CDH13: variants seen among roughly 807,000 people sequenced by gnomAD.
CDH13 encodes cadherin 13.
A neutral mutation model predicts 63.8 loss-of-function variants in CDH13; 24 were observed. The observed-to-expected ratio is 0.38, with a 90% CI of 0.27 to 0.53. The LOEUF is 0.53. Ranked by LOEUF, CDH13 falls within the 20% of genes least tolerant of loss-of-function variation. The pLI is 0.85. For synonymous variants in CDH13, 503 were observed against 355.3 expected (o/e 1.42, Z -4.67); for missense variants, 1,049 against 903.1 (o/e 1.16, Z -2.07).
intron 3 of CDH13, among the ~76,000 whole-genome samples, chr16:83,106,535 C>T (rs1009011123): frequency 5.3e-5 from 8 of 152,144 alleles, no homozygotes; most frequent in African/African-American, 1.9e-4. Context: ...GGCGAGACTC[C>T]ACCTCAAACA....
intron 1 of CDH13, among the ~76,000 whole-genome samples, chr16:82,647,410 C>A (rs999080463): frequency 2.6e-5 from 4 of 152,174 alleles, no homozygotes; most frequent in African/African-American, 7.2e-5. Context: ...GCAATAAATT[C>A]TCTTGGGAGG....
intron 6 of CDH13, among the ~76,000 whole-genome samples, chr16:83,413,633 A>T (rs1477008753): frequency 6.6e-6 from 1 of 152,184 alleles, no homozygotes; most frequent in African/African-American, 2.4e-5. Flanking sequence ...AGCCCATAAT[A>T]GGCTGTGCCA....
At chr16:83,228,131 C>G (rs1391852307) in intron 5 of CDH13, among the ~76,000 whole-genome samples, 1 of 152,216 alleles carries the variant, frequency 6.6e-6, no homozygotes, top group African/African-American at 2.4e-5. Flanking sequence ...GTCCTTATCT[C>G]TCATGTACCC....
chr16:82,934,615 A>G (rs1490182128), intron 2 of CDH13, among the ~76,000 whole-genome samples: 2 of 152,048 alleles, frequency 1.3e-5, no homozygotes, highest in African/African-American at 2.4e-5. Flanking sequence ...CAGGTTGCAA[A>G]TTTTCCAAAC....
chr16:83,215,440 CAT>C (rs1427516747), intron 4 of CDH13, among the ~76,000 whole-genome samples: 1 of 151,698 alleles, frequency 6.6e-6, no homozygotes, highest in Non-Finnish European at 1.5e-5. Flanking sequence ...AAAATACAAA[CAT>C]ATGTAATTGG....
At chr16:83,521,818 G>A (rs940920377) in intron 7 of CDH13, among the ~76,000 whole-genome samples, 1 of 152,162 alleles carries the variant, frequency 6.6e-6, no homozygotes, top group Non-Finnish European at 1.5e-5. Context: ...ACCTTGACCT[G>A]AGTGACCTTG....
At chr16:83,072,460 C>A (rs2032510320) in intron 3 of CDH13, among the ~76,000 whole-genome samples, 1 of 152,136 alleles carries the variant, frequency 6.6e-6, no homozygotes, top group Admixed American at 6.6e-5. Context: ...CATTGGGTAC[C>A]TCTTATATGG....
intron 2 of CDH13, among the ~76,000 whole-genome samples, chr16:82,940,612 T>G (rs1171401193): frequency 6.6e-6 from 1 of 152,240 alleles, no homozygotes; most frequent in Non-Finnish European, 1.5e-5. Flanking sequence ...TGGTTCCTGC[T>G]TCATACATCT....
chr16:82,995,572 C>T (rs1025874201), intron 2 of CDH13, among the ~76,000 whole-genome samples: 4 of 152,162 alleles, frequency 2.6e-5, no homozygotes, highest in African/African-American at 9.7e-5. Flanking sequence ...GGACTGCCAA[C>T]CTAGACTCTT....
chr16:83,491,909 C>G (rs1185092789), intron 7 of CDH13, among the ~76,000 whole-genome samples: 2 of 152,192 alleles, frequency 1.3e-5, no homozygotes, highest in Non-Finnish European at 2.9e-5. Flanking sequence ...TTCTTTCTTT[C>G]TTTCCATGGT....
chr16:83,349,189 A>G (rs962465086), intron 6 of CDH13, among the ~76,000 whole-genome samples: 1 of 152,234 alleles, frequency 6.6e-6, no homozygotes, highest in African/African-American at 2.4e-5. Flanking sequence ...TTGCTTTTGC[A>G]GAGCCACAGA....
chr16:83,244,357 G>C (rs1010200199), intron 5 of CDH13, among the ~76,000 whole-genome samples: 3 of 152,110 alleles, frequency 2.0e-5, no homozygotes, highest in African/African-American at 7.2e-5. Flanking sequence ...GCACATGGAA[G>C]ATACTCAAGG....
intron 4 of CDH13, among the ~76,000 whole-genome samples, chr16:83,206,805 A>G (rs568450483): frequency 6.6e-6 from 1 of 152,358 alleles, no homozygotes; most frequent in East Asian, 1.9e-4. Context: ...ATTTTCTCCA[A>G]TCAAGAGACC....
In CDH13 at chr16:83,278,995, A is replaced by T. The variant is rs1284302771; in HGVS notation, c.636+61498A>T. 5.9e-5 allele frequency among the ~76,000 whole-genome samples: 9 copies of T among 152,258 alleles called. No individual in the cohort carries two copies. In the East Asian group the frequency reaches 1.7e-3, roughly 29 times the overall value. On this transcript the variant is annotated intron_variant, in intron 5 of 13. Coordinates refer to ENST00000567109, the MANE Select transcript of CDH13 (RefSeq NM_001257.5). ...CTGCCTGCCTTATACTGTAGTAGTGACATCTTTCCTTTTTATTTATTTATT... is the reference window on the plus strand; with the variant it reads ...CTGCCTGCCTTATACTGTAGTAGTGTCATCTTTCCTTTTTATTTATTTATT...
intron 2 of CDH13, among the ~76,000 whole-genome samples, chr16:83,006,920 G>GGTTT (rs1913570388): frequency 8.0e-6 from 1 of 125,612 alleles, no homozygotes; most frequent in Admixed American, 7.8e-5. Context: ...TTGTTTGTTT[G>GGTTT]TTTGTTTGTT....
At chr16:82,719,296 G>C (rs141453561) in intron 1 of CDH13, 11 of 451,008 alleles carry the variant, frequency 2.4e-5, no homozygotes, top group Non-Finnish European at 3.6e-5. Flanking sequence ...GGGACAGGTG[G>C]TGTGGAGATG....
chr16:82,829,715 A>G (rs16958720), intron 1 of CDH13: 2 of 152,156 alleles, frequency 1.3e-5, no homozygotes, highest in East Asian at 3.9e-4. Flanking sequence ...CTAATTGCTT[A>G]CTAGATATTA....
At position 83,010,153 on chromosome 16, in the gene CDH13, A is replaced by AAAAAAAAC. The variant is rs1431673298; in HGVS notation, c.158-21850_158-21849insCAAAAAAA. 1.1e-3 allele frequency among the ~76,000 whole-genome samples: 166 copies of AAAAAAAAC among 148,298 alleles called. 1 individual carries two copies. The highest frequency in any genetic ancestry group is 1.7e-3 in the Non-Finnish European group (116 of 66,992). On this transcript the variant is annotated intron_variant, in intron 2 of 13. Coordinates refer to ENST00000567109, the MANE Select transcript of CDH13 (RefSeq NM_001257.5). Reference sequence around the variant, plus strand: ...TCTGTCTCAAAAAAAAAAAAAAAAAAAAAAAAAAACAAGAATGGCTCAGGT... The same window carrying AAAAAAAAC: ...TCTGTCTCAAAAAAAAAAAAAAAAAAAAAAAAACAAAAAAAAACAAGAATGGCTCAGGT...
intron 2 of CDH13, among the ~76,000 whole-genome samples, chr16:82,866,911 T>C (rs988580527): frequency 8.5e-5 from 13 of 152,288 alleles, no homozygotes; most frequent in Admixed American, 3.3e-4. Flanking sequence ...ATCTCTCCCT[T>C]GACATGTGGG....
Sources: gnomAD v4.1 joint callset for allele counts (sites outside exome capture counted in the v4.1 genomes callset) on GRCh38, gnomAD v4.1.1 for gene constraint, MANE v1.5 for transcripts, NCBI Gene and HGNC (gene_info 2026-07-23, HGNC 2026-07-21) for gene names.